C10orf143: variants seen among roughly 807,000 people sequenced by gnomAD.
The protein encoded by C10orf143 is uncharacterized protein C10orf143.
Position 130,051,142 on chromosome 10 carries a change from C to T in C10orf143, c.298-15172G>A, listed in dbSNP as rs183918689. Among the ~76,000 whole-genome samples the T allele has an allele frequency of 1.8e-3, 275 of 152,266 alleles. 3 individuals carry two copies. Among genetic ancestry groups the T allele is most frequent in the African/African-American group, 6.3e-3 (261 of 41,526 alleles). On this transcript the variant is annotated intron_variant and NMD_transcript_variant, in intron 3 of 5. Transcript: ENST00000643056. Reference sequence around the variant, plus strand: ...TGTTCTCACCAGAATTAACTGTTAACACTTGGTCATACTTGCTTTTGCTTT... The same window carrying T: ...TGTTCTCACCAGAATTAACTGTTAATACTTGGTCATACTTGCTTTTGCTTT...
At chr10:130,058,494 C>G (rs1033442161) in intron 3 of C10orf143, among the ~76,000 whole-genome samples, 46 of 151,902 alleles carry the variant, frequency 3.0e-4, no homozygotes, top group African/African-American at 1.0e-3. Context: ...AAAACAAAAT[C>G]ATTATGAAAT....
At chr10:130,085,607 T>C (rs533838280) in intron 1 of C10orf143, among the ~76,000 whole-genome samples, 31 of 152,250 alleles carry the variant, frequency 2.0e-4, no homozygotes, top group African/African-American at 6.7e-4. Context: ...GAGGAAAAAC[T>C]GGTAAAATGG....
At chr10:130,041,624 G>C (rs616768) in intron 3 of C10orf143, among the ~76,000 whole-genome samples, 53,636 of 152,024 alleles carry the variant, frequency 0.35, 9,703 homozygotes, top group Non-Finnish European at 0.39. Context: ...AATTTGAGAG[G>C]AACTTATGTG....
chr10:130,091,364 C>T (rs1020347771), intron 1 of C10orf143, among the ~76,000 whole-genome samples: 3 of 152,258 alleles, frequency 2.0e-5, no homozygotes, highest in Middle Eastern at 3.4e-3. Context: ...AAACAGAAAG[C>T]ATCAACATCA....
chr10:130,039,447 G>A (rs1304427972), intron 3 of C10orf143, among the ~76,000 whole-genome samples: 6 of 152,078 alleles, frequency 3.9e-5, no homozygotes, highest in Non-Finnish European at 8.8e-5. Context: ...GAGAAGATGG[G>A]CAGCCCAGAT....
At chr10:130,083,644 G>A (rs1423371795) in intron 1 of C10orf143, among the ~76,000 whole-genome samples, 1 of 152,200 alleles carries the variant, frequency 6.6e-6, no homozygotes, top group Non-Finnish European at 1.5e-5. Flanking sequence ...AAGTGCAAAA[G>A]AGTATCTATA....
At chr10:130,042,907 G>A (rs1590001622) in intron 3 of C10orf143, among the ~76,000 whole-genome samples, 2 of 152,148 alleles carry the variant, frequency 1.3e-5, no homozygotes, top group South Asian at 4.1e-4. Flanking sequence ...TGTATCAGTC[G>A]TGGCAAAATA....
Position 130,056,714 on chromosome 10 carries a change from C to A in C10orf143, c.298-20744G>T, listed in dbSNP as rs921268512. 9.2e-5 allele frequency among the ~76,000 whole-genome samples: 14 copies of A among 152,152 alleles called. No individual in the cohort carries two copies. Among genetic ancestry groups the A allele is most frequent in the Non-Finnish European group, 1.8e-4 (12 of 68,006 alleles). ...TCATGCCATTCTCCTGCCTCAGCCT[C>A]CTGAGTAGCTGGGATTACAGGCACC... is the stretch of plus-strand genomic sequence containing the variant. On this transcript the variant is annotated intron_variant and NMD_transcript_variant, in intron 3 of 5. Coordinates refer to the C10orf143 transcript ENST00000643056. The surrounding 1 kb of genome is among the most constrained non-coding windows in gnomAD (Gnocchi z 4.6).
intron 1 of C10orf143, among the ~76,000 whole-genome samples, chr10:130,092,079 T>C (rs1013238743): frequency 2.0e-5 from 3 of 151,914 alleles, no homozygotes; most frequent in Non-Finnish European, 4.4e-5. Context: ...ACAAAGATAC[T>C]CCTTGAGAAG....
chr10:130,086,318 T>C (rs1007696757), intron 1 of C10orf143, among the ~76,000 whole-genome samples: 1 of 152,220 alleles, frequency 6.6e-6, no homozygotes, highest in African/African-American at 2.4e-5. Flanking sequence ...CCTCTTTTTC[T>C]TCTTTTAATT....
At chr10:130,071,058 G>A (rs191517786) in intron 3 of C10orf143, among the ~76,000 whole-genome samples, 23 of 152,266 alleles carry the variant, frequency 1.5e-4, no homozygotes, top group African/African-American at 5.5e-4. Context: ...TGGGACTACA[G>A]GCATGCGCCA....
chr10:130,045,524 G>A (rs1456013126), intron 3 of C10orf143, among the ~76,000 whole-genome samples: 1 of 152,174 alleles, frequency 6.6e-6, no homozygotes, highest in African/African-American at 2.4e-5. Context: ...GACGCCCCCC[G>A]CGAGCGCCAC....
chr10:130,056,351 T>G lies in C10orf143; in HGVS notation c.298-20381A>C, dbSNP rs1468252135. On this transcript the variant is annotated intron_variant and NMD_transcript_variant, in intron 3 of 5. Transcript: ENST00000643056. This position sits in a 1 kb window ranked among gnomAD's most constrained non-coding sequence, Gnocchi z 4.6. Reference sequence around the variant, plus strand: ...GGTGGGGGTGCCGTCATGAGCAGGATGAGGGCAGCACCCCTGAGAGCCGCT... The same window carrying G: ...GGTGGGGGTGCCGTCATGAGCAGGAGGAGGGCAGCACCCCTGAGAGCCGCT... Among the ~76,000 whole-genome samples, 1 of 151,904 alleles carries G rather than the reference T, an allele frequency of 6.6e-6. No individual in the cohort carries two copies. The highest frequency in any genetic ancestry group is 2.4e-5 in the African/African-American group (1 of 41,348).
chr10:130,106,391 A>G (rs1861647778), intron 1 of C10orf143: 2 of 1,602,782 alleles, frequency 1.2e-6, no homozygotes, highest in Admixed American at 3.4e-5. Context: ...AGAGGATGCC[A>G]GCTTTGAGAA....
chr10:130,084,951 T>C (rs1861268008), intron 1 of C10orf143, among the ~76,000 whole-genome samples: 1 of 152,134 alleles, frequency 6.6e-6, no homozygotes, highest in Non-Finnish European at 1.5e-5. Flanking sequence ...AAAGCTGGAA[T>C]GATTTAAGCA....
chr10:130,057,620 G>C (rs866787122), intron 3 of C10orf143, among the ~76,000 whole-genome samples: 2 of 137,886 alleles, frequency 1.5e-5, no homozygotes, highest in African/African-American at 5.5e-5. Context: ...GCCTCTCCAC[G>C]AGGCCTGTGA....
chr10:130,038,069 C>T (rs1207040898), intron 3 of C10orf143, among the ~76,000 whole-genome samples: 1 of 152,176 alleles, frequency 6.6e-6, no homozygotes, highest in Non-Finnish European at 1.5e-5. Flanking sequence ...ATTTATTTGC[C>T]TGGCCAGAAA....
At chr10:130,095,292 A>G (rs774257797) in intron 1 of C10orf143, among the ~76,000 whole-genome samples, 1 of 152,202 alleles carries the variant, frequency 6.6e-6, no homozygotes, top group African/African-American at 2.4e-5. Context: ...GAAATAAAAG[A>G]GGACACAAAC....
intron 1 of C10orf143, chr10:130,106,670 A>AT: frequency 1.6e-6 from 2 of 1,243,736 alleles, no homozygotes; most frequent in Non-Finnish European, 2.4e-6. Flanking sequence ...GATAGCAATA[A>AT]AAGATGCTTT....
Sources: gnomAD v4.1 joint callset for allele counts (sites outside exome capture counted in the v4.1 genomes callset) on GRCh38, gnomAD v4.1.1 for gene constraint, Gnocchi (gnomAD v3.1) non-coding constraint, MANE v1.5 for transcripts, NCBI Gene and HGNC (gene_info 2026-07-23, HGNC 2026-07-21) for gene names.